PRSS23: variants seen among roughly 807,000 people sequenced by gnomAD.
The protein encoded by PRSS23 is protease, serine 23.
In PRSS23, 25 loss-of-function variants were observed where a neutral mutation model predicts 34.7. That is an observed-to-expected ratio of 0.72 (90% CI 0.53 to 1.01). PRSS23 has a LOEUF of 1.01. PRSS23 is among the 50% of genes least tolerant of loss of function. PRSS23 has a pLI of 0.00. For missense variants in PRSS23, 445 were observed against 475.6 expected, an observed-to-expected ratio of 0.94 and a Z score of 0.60; for synonymous variants, 176 against 186.6, an observed-to-expected ratio of 0.94 and a Z score of 0.46.
rs201331059 is a variant in PRSS23 at position 86,808,126 on chromosome 11, C to G, written c.483C>G (p.Thr161=). 8 of 1,614,182 alleles carry G rather than the reference C, an allele frequency of 5.0e-6. No homozygotes were observed. In the African/African-American group the frequency reaches 8.0e-5, roughly 16 times the overall value. Residue 161 remains threonine (T), a synonymous_variant, in exon 2 of 2, where the codon ACC becomes ACG. Coordinates refer to ENST00000280258, the MANE Select transcript of PRSS23 (RefSeq NM_007173.6). ...CAGTGAAGTTATCCACGGGCTGCAC[C>G]GGCACCCTGGTGGCAGAGAAGCATG... is the stretch of plus-strand genomic sequence containing the variant. The part of the protein sequence containing the change: ...STSVKLSTGC[T]GTLVAEKHVL...
chr11:86,791,611 A>G (rs545067858), intron 1 of PRSS23, among the ~76,000 whole-genome samples: 1 of 152,178 alleles, frequency 6.6e-6, no homozygotes, highest in African/African-American at 2.4e-5. Flanking sequence ...ACAAAGGAAA[A>G]CCTAGAGGCC....
intron 2 of PRSS23, among the ~76,000 whole-genome samples, chr11:86,854,645 C>T (rs75008773): frequency 6.6e-6 from 1 of 152,316 alleles, no homozygotes; most frequent in East Asian, 1.9e-4. Context: ...ATAGTTTTAG[C>T]TCTTGGGCGT....
At position 86,899,811 on chromosome 11, in the gene PRSS23, C is replaced by T. The variant is rs1217732902; in HGVS notation, c.207-51405C>T. Among the ~76,000 whole-genome samples, 8 of 150,066 alleles carry T rather than the reference C, an allele frequency of 5.3e-5. No individual in the cohort carries two copies. The East Asian group carries it at 5.9e-4, about 11-fold the overall frequency. On this transcript the variant is annotated intron_variant, in intron 2 of 2. Transcript: ENST00000533902. ...GATTACAGGCATGAGCCACCAAGTCCGGCCGCGAGACCCCATTTCTTAAAA... is the reference window on the plus strand; with the variant it reads ...GATTACAGGCATGAGCCACCAAGTCTGGCCGCGAGACCCCATTTCTTAAAA...
rs1162445199 is a variant in PRSS23 at position 86,851,104 on chromosome 11, C to A, written c.206+27511C>A. Among the ~76,000 whole-genome samples, 4 of 152,192 alleles carry A rather than the reference C, an allele frequency of 2.6e-5. No homozygotes were observed. In the East Asian group the frequency reaches 7.7e-4, roughly 29 times the overall value. On this transcript the variant is annotated intron_variant, in intron 2 of 2. Transcript: ENST00000533902. ...ACAGATAAGTAGAAAGGGTGGCATT[C>A]AAAATTAATGGCCAGTCTCTAAGTC...
At position 86,808,942 on chromosome 11, in the gene PRSS23, C is replaced by G. The variant is rs373808325; in HGVS notation, c.*147C>G. 2 of 672,288 alleles carry G rather than the reference C, an allele frequency of 3.0e-6. No homozygotes were observed. The highest frequency in any genetic ancestry group is 3.6e-5 in the African/African-American group (2 of 55,184). The allele number at this position is 672,288 out of a possible 1,614,324, so 41.6% of individuals were successfully genotyped here. ...CTTATAATCTTTTACCTATTTCTTA[C>G]AATTGCAAGATGACTGGCTTTACTA... On this transcript the variant is annotated 3_prime_UTR_variant, in exon 2 of 2. Coordinates refer to ENST00000280258, the MANE Select transcript of PRSS23 (RefSeq NM_007173.6).
chr11:86,848,253 C>A (rs923927620), intron 2 of PRSS23, among the ~76,000 whole-genome samples: 6 of 152,176 alleles, frequency 3.9e-5, no homozygotes, highest in African/African-American at 1.4e-4. Context: ...CTTGATCAGA[C>A]CTTAAGTCCT....
chr11:86,940,708 C>T (rs965500371), intron 2 of PRSS23: 1 of 152,268 alleles, frequency 6.6e-6, no homozygotes, highest in Non-Finnish European at 1.5e-5. Flanking sequence ...GAATCTCAGG[C>T]TCCAGTTACA....
intron 1 of PRSS23, among the ~76,000 whole-genome samples, chr11:86,804,524 T>C (rs567594070): frequency 2.8e-4 from 43 of 152,344 alleles, no homozygotes; most frequent in African/African-American, 1.0e-3. Flanking sequence ...TTAGGACTTA[T>C]TAAGTCTCTG....
intron 2 of PRSS23, among the ~76,000 whole-genome samples, chr11:86,928,694 A>T (rs1248176050): frequency 2.5e-5 from 3 of 119,830 alleles, no homozygotes; most frequent in Non-Finnish European, 3.7e-5. Flanking sequence ...AAAAAAAAAA[A>T]AAAAAAAAAA....
intron 2 of PRSS23, among the ~76,000 whole-genome samples, chr11:86,914,918 G>A (rs1484638925): frequency 2.6e-5 from 4 of 152,142 alleles, no homozygotes; most frequent in African/African-American, 9.7e-5. Context: ...AATATAAATG[G>A]GAATACAAAT....
intron 2 of PRSS23, chr11:86,938,963 C>T (rs1434147441): frequency 2.4e-6 from 1 of 422,322 alleles, no homozygotes; most frequent in Non-Finnish European, 4.7e-6. Context: ...GGGAGGAGGC[C>T]TTCTCAAAAA....
chr11:86,810,824 A>T lies in PRSS23; in HGVS notation c.*2029A>T, dbSNP rs1260518346. The stretch of plus-strand genomic sequence containing the variant: ...ACAGCTTAACTCACAGAACTGTAAA[A>T]GAAAATTATAAAATAATTCAACATG... On this transcript the variant is annotated 3_prime_UTR_variant, in exon 2 of 2. Coordinates refer to ENST00000280258, the MANE Select transcript of PRSS23 (RefSeq NM_007173.6). 1 of 167,066 alleles carries T rather than the reference A, an allele frequency of 6.0e-6. No individual in the cohort carries two copies. The highest frequency in any genetic ancestry group is 2.4e-5 in the African/African-American group (1 of 41,472). 10.3% of individuals were successfully genotyped at this position (167,066 alleles called of 1,614,324 possible).
chr11:86,879,678 G>C, intron 2 of PRSS23, among the ~76,000 whole-genome samples: 1 of 136,172 alleles, frequency 7.3e-6, no homozygotes, highest in Non-Finnish European at 1.6e-5. Flanking sequence ...GGAGGTGGGG[G>C]GGTCAGCCCC....
At chr11:86,802,164 C>T (rs982756161) in intron 1 of PRSS23, among the ~76,000 whole-genome samples, 2 of 152,194 alleles carry the variant, frequency 1.3e-5, no homozygotes, top group African/African-American at 4.8e-5. Flanking sequence ...TTATTCATGC[C>T]TAACTCCCAC....
chr11:86,832,222 TAC>T (rs1236256283), intron 2 of PRSS23, among the ~76,000 whole-genome samples: 2 of 152,094 alleles, frequency 1.3e-5, no homozygotes, highest in South Asian at 2.1e-4. Context: ...ACAGTGGGTG[TAC>T]CACATGTGTG....
chr11:86,891,787 A>G (rs951193003), intron 2 of PRSS23, among the ~76,000 whole-genome samples: 1 of 152,028 alleles, frequency 6.6e-6, no homozygotes. Context: ...TTCTTGTGCT[A>G]GTGAGTGAGT....
intron 2 of PRSS23, among the ~76,000 whole-genome samples, chr11:86,874,915 T>A (rs77397517): frequency 1.7e-3 from 254 of 152,308 alleles, no homozygotes; most frequent in African/African-American, 6.0e-3. Context: ...CTGTGCTCAG[T>A]TGAGACTGTG....
intron 2 of PRSS23, among the ~76,000 whole-genome samples, chr11:86,873,224 G>GTGTATA (rs1948697656): frequency 1.2e-5 from 1 of 80,450 alleles, no homozygotes; most frequent in Non-Finnish European, 2.3e-5. Flanking sequence ...ACAGATATAT[G>GTGTATA]TATATATATA....
intron 2 of PRSS23, among the ~76,000 whole-genome samples, chr11:86,920,352 C>G (rs1388821352): frequency 1.3e-5 from 2 of 152,174 alleles, no homozygotes; most frequent in African/African-American, 4.8e-5. Context: ...TTCTGAGCAC[C>G]TACCTGTGCC....
Sources: allele counts gnomAD v4.1 joint callset (sites outside exome capture counted in the v4.1 genomes callset), GRCh38; gene constraint gnomAD v4.1.1; transcripts MANE v1.5; gene names NCBI Gene and HGNC (gene_info 2026-07-23, HGNC 2026-07-21).